Variants in CCDC93 observed in about 807,000 individuals in gnomAD.
CCDC93 encodes the protein CCC complex scaffolding subunit CCDC93, also known as coiled-coil domain-containing protein 93.
A neutral mutation model predicts 108.2 loss-of-function variants in CCDC93; 61 were observed. The observed-to-expected ratio is 0.56, with a 90% CI of 0.46 to 0.70. The LOEUF is 0.70. Among genes scored for constraint, CCDC93 ranks in the 30% least tolerant of loss-of-function variants. CCDC93 has a pLI of 0.00. For missense variants in CCDC93, 685 were observed against 764.2 expected (o/e 0.90, Z 1.22); for synonymous variants, 276 against 260.4 (o/e 1.06, Z -0.58).
At chr2:117,960,053 T>C (rs1679337669) in intron 11 of CCDC93, among the ~76,000 whole-genome samples, 1 of 152,228 alleles carries the variant, frequency 6.6e-6, no homozygotes, top group South Asian at 2.1e-4. Context: ...TGCTATTAAT[T>C]TGGCCACTTT....
intron 17 of CCDC93, chr2:117,944,931 C>G (rs573663876): frequency 2.5e-6 from 1 of 403,614 alleles, no homozygotes; most frequent in East Asian, 7.2e-5. Flanking sequence ...GCGGAGAGCA[C>G]TGGTTTAACT....
intron 15 of CCDC93, among the ~76,000 whole-genome samples, chr2:117,947,676 A>G (rs954428481): frequency 2.0e-5 from 3 of 149,532 alleles, no homozygotes; most frequent in African/African-American, 7.4e-5. Flanking sequence ...CTGACAAATA[A>G]CTGCTGGATG....
intron 19 of CCDC93, 34 bp from the exon 20 acceptor site, chr2:117,939,145 A>T: frequency 7.3e-7 from 1 of 1,371,652 alleles, no homozygotes; most frequent in South Asian, 1.2e-5. Flanking sequence ...CACGAATAAG[A>T]ACAGGTATCA....
rs1677677476 is a variant in CCDC93 at position 117,916,153 on chromosome 2, G to A, written c.*4190C>T. On this transcript the variant is annotated 3_prime_UTR_variant, in exon 24 of 24. Coordinates refer to ENST00000376300, the MANE Select transcript of CCDC93 (RefSeq NM_019044.5). ...TGGAGTGCCTACATGTCACACTCCT[G>A]CCACCACCGTATCTAGTGCTGCCAC... 1 of 152,044 alleles carries A rather than the reference G, an allele frequency of 6.6e-6. No individual in the cohort carries two copies. Among genetic ancestry groups the A allele is most frequent in the Non-Finnish European group, 1.5e-5 (1 of 68,032 alleles). The allele number at this position is 152,044 out of a possible 1,614,324, so 9.4% of individuals were successfully genotyped here.
chr2:117,971,758 T>A (rs1419534386), intron 11 of CCDC93, among the ~76,000 whole-genome samples: 1 of 152,178 alleles, frequency 6.6e-6, no homozygotes, highest in Non-Finnish European at 1.5e-5. Flanking sequence ...CTTTTAGACA[T>A]ATATGATGAT....
intron 23 of CCDC93, among the ~76,000 whole-genome samples, chr2:117,929,858 T>C (rs1054424911): frequency 1.3e-5 from 2 of 152,168 alleles, no homozygotes; most frequent in African/African-American, 4.8e-5. Context: ...CTGCTCACCC[T>C]AGAGGGCCCT....
At chr2:117,953,864 A>G (rs1264122354) in intron 12 of CCDC93, among the ~76,000 whole-genome samples, 1 of 152,110 alleles carries the variant, frequency 6.6e-6, no homozygotes, top group East Asian at 1.9e-4. Context: ...ACTGGACTCT[A>G]GCGTAGATGA....
intron 22 of CCDC93, among the ~76,000 whole-genome samples, chr2:117,932,949 C>G (rs1168076372): frequency 6.6e-6 from 1 of 152,198 alleles, no homozygotes; most frequent in Non-Finnish European, 1.5e-5. Context: ...TTTAGCAAAA[C>G]ACTTCACCGT....
chr2:117,926,797 C>A (rs551474679), intron 23 of CCDC93, among the ~76,000 whole-genome samples: 1 of 151,838 alleles, frequency 6.6e-6, no homozygotes, highest in Non-Finnish European at 1.5e-5. Flanking sequence ...GATACCAAAG[C>A]CTGGCAGAGA....
chr2:117,981,971 C>T lies in CCDC93; in HGVS notation c.621-3941G>A, dbSNP rs932020004. Among the ~76,000 whole-genome samples the T allele has an allele frequency of 5.3e-5, 8 of 152,114 alleles. No individual in the cohort carries two copies. The East Asian group carries it at 5.8e-4, about 11-fold the overall frequency. ...AGCCCTAAATACCAAGGACTGTGAACTTTGTTCTTTATTCATTTGACAAGA... is the reference window on the plus strand; with the variant it reads ...AGCCCTAAATACCAAGGACTGTGAATTTTGTTCTTTATTCATTTGACAAGA... On this transcript the variant is annotated intron_variant, in intron 7 of 23. Coordinates refer to ENST00000376300, the MANE Select transcript of CCDC93 (RefSeq NM_019044.5).
intron 3 of CCDC93, among the ~76,000 whole-genome samples, chr2:118,002,532 A>AT (rs1029987027): frequency 1.3e-5 from 2 of 152,214 alleles, no homozygotes; most frequent in African/African-American, 4.8e-5. Flanking sequence ...GACAACAGTA[A>AT]TACCCCACTG....
intron 18 of CCDC93, among the ~76,000 whole-genome samples, 168 bp from the exon 19 acceptor site, chr2:117,941,465 T>G (rs1678698454): frequency 6.6e-6 from 1 of 151,872 alleles, no homozygotes; most frequent in Non-Finnish European, 1.5e-5. Context: ...AGATTTGGAT[T>G]GACTTTCCCG....
chr2:117,936,478 T>C (rs76346459), intron 21 of CCDC93: 11,102 of 477,826 alleles, frequency 0.023, 167 homozygotes, highest in Non-Finnish European at 0.026. Context: ...AGTTAACTTT[T>C]TTCGTCAGCT....
intron 3 of CCDC93, among the ~76,000 whole-genome samples, chr2:118,005,304 C>T (rs552952044): frequency 2.6e-5 from 4 of 152,106 alleles, no homozygotes; most frequent in African/African-American, 7.2e-5. Context: ...AAAAAGCACA[C>T]GTGGGATCCA....
intron 22 of CCDC93, chr2:117,933,961 C>T (rs1403349394): frequency 6.6e-6 from 1 of 152,084 alleles, no homozygotes; most frequent in East Asian, 1.9e-4. Context: ...TGCCATTGAC[C>T]CATTTGGCAC....
chr2:117,935,801 A>C (rs1426511156), intron 21 of CCDC93: 7 of 391,560 alleles, frequency 1.8e-5, no homozygotes, highest in Non-Finnish European at 2.7e-5. Flanking sequence ...ATTGCATGTT[A>C]ATCTTTTTTG....
intron 11 of CCDC93, among the ~76,000 whole-genome samples, chr2:117,964,769 T>TA (rs1293088153): frequency 6.6e-6 from 1 of 151,956 alleles, no homozygotes; most frequent in East Asian, 1.9e-4. Flanking sequence ...CAAGTAATTT[T>TA]AAAAAAATAT....
chr2:117,999,661 AG>A (rs1487492532), intron 4 of CCDC93, among the ~76,000 whole-genome samples: 2 of 152,164 alleles, frequency 1.3e-5, no homozygotes, highest in Non-Finnish European at 2.9e-5. Flanking sequence ...CAGATGCTCA[AG>A]TCCCTGATAT....
Position 117,918,365 on chromosome 2 carries a change from CA to C in CCDC93, c.*1977del. The C allele has an allele frequency of 6.6e-6, 1 of 151,742 alleles. No individual in the cohort carries two copies. Among genetic ancestry groups the C allele is most frequent in the East Asian group, 1.9e-4 (1 of 5,178 alleles). The allele number at this position is 151,742 out of a possible 1,614,324, so 9.4% of individuals were successfully genotyped here. The stretch of plus-strand genomic sequence containing the variant: ...TATGGACACCTCTCTATACCAAAAC[CA>C]AACCAAATGAAACTCCTATGAAATA... On this transcript the variant is annotated 3_prime_UTR_variant, in exon 24 of 24. Coordinates refer to ENST00000376300, the MANE Select transcript of CCDC93 (RefSeq NM_019044.5).
Sources: allele counts gnomAD v4.1 joint callset (sites outside exome capture counted in the v4.1 genomes callset), GRCh38; gene constraint gnomAD v4.1.1; transcripts MANE v1.5; gene names NCBI Gene and HGNC (gene_info 2026-07-23, HGNC 2026-07-21).